Variants in PPP1R3F observed in about 807,000 individuals in gnomAD.
PPP1R3F encodes protein phosphatase 1, regulatory (inhibitor) subunit 3F.
A neutral mutation model predicts 24.2 loss-of-function variants in PPP1R3F; 29 were observed. The observed-to-expected ratio is 1.20, with a 90% CI of 0.89 to 1.63. The LOEUF is 1.63. PPP1R3F is among the 40% of genes most tolerant of loss of function. The pLI is 0.00. For missense variants in PPP1R3F, 823 were observed against 729.3 expected, an observed-to-expected ratio of 1.13 and a Z score of -1.48; for synonymous variants, 363 against 340.1, an observed-to-expected ratio of 1.07 and a Z score of -0.74.
At chrX:49,273,013 A>G (rs1385127016) in intron 1 of PPP1R3F, 6 of 106,591 alleles carry the variant, frequency 5.6e-5, no homozygotes, top group Admixed American at 3.0e-4. Context: ...TGTTCCCAGC[A>G]TGTCGTGCTT....
In PPP1R3F at chrX:49,285,904, C is replaced by A; in HGVS notation, c.1214C>A (p.Ala405Asp). ...GTCCCCAGAAGCAGTCCACCTGTGG[C>A]TTTTACAGAGGTCCTCCAGGCACCG... ...GDVPRSSPPV[A>D]FTEVLQAPAI... Residue 405 changes from alanine to aspartate, a missense_variant, in exon 4 of 4, where the codon GCT becomes GAT. Physicochemically the swap from Ala to Asp is moderately radical, Grantham distance 126. Coordinates refer to ENST00000055335, the MANE Select transcript of PPP1R3F (RefSeq NM_033215.5). 8.3e-7 allele frequency: 1 copy of A among 1,206,449 alleles called. No individual in the cohort carries two copies. The highest frequency in any genetic ancestry group is 1.1e-6 in the Non-Finnish European group (1 of 892,281).
At position 49,285,865 on chromosome X, in the gene PPP1R3F, CAGA is replaced by C. The variant is rs1557121316; in HGVS notation, c.1181_1183del (p.Glu394del). 1 of 1,161,224 alleles carries C rather than the reference CAGA, an allele frequency of 8.6e-7. No homozygotes were observed. The highest frequency in any genetic ancestry group is 1.2e-6 in the Non-Finnish European group (1 of 868,118). On this transcript the variant is annotated inframe_deletion, in exon 4 of 4. Coordinates refer to ENST00000055335, the MANE Select transcript of PPP1R3F (RefSeq NM_033215.5). Reference sequence around the variant, plus strand: ...GACGTTCCGATGACTGGCAACCCCGCAGAAGAAGGTGATGTCCCCAGAAGCAGT... The same window carrying C: ...GACGTTCCGATGACTGGCAACCCCGCAGAAGGTGATGTCCCCAGAAGCAGT...
At chrX:49,278,201 C>T (rs782713348) in intron 1 of PPP1R3F, among the ~76,000 whole-genome samples, 1 of 112,074 alleles carries the variant, frequency 8.9e-6, no homozygotes, top group Non-Finnish European at 1.9e-5. Flanking sequence ...TCTATGACTG[C>T]AGTGGCTTTT....
downstream of PPP1R3F, among the ~76,000 whole-genome samples, chrX:49,290,878 C>T (rs1416303283): frequency 4.5e-5 from 5 of 112,108 alleles, no homozygotes; most frequent in East Asian, 8.5e-4. Flanking sequence ...ACTGAGTACA[C>T]GCCCGTTGTC....
chrX:49,297,449 C>T (rs1557122934), intron 3 of PPP1R3F, among the ~76,000 whole-genome samples: 2 of 109,989 alleles, frequency 1.8e-5, no homozygotes, highest in Admixed American at 9.7e-5. Context: ...CTCCAGACCT[C>T]GTGATCCGCC....
At chrX:49,284,509 C>CTTTTTTTTTTTTTTTTTTTTTTTTTTTT (rs145170789) in intron 3 of PPP1R3F, among the ~76,000 whole-genome samples, 2 of 50,856 alleles carry the variant, frequency 3.9e-5, no homozygotes, top group African/African-American at 7.3e-5. Flanking sequence ...CTTTTTCTTT[C>CTTTTTTTTTTTTTTTTTTTTTTTTTTTT]TTTTTTTTTT....
At chrX:49,273,715 AT>A (rs1320698076) in intron 1 of PPP1R3F, 2 of 112,440 alleles carry the variant, frequency 1.8e-5, no homozygotes, top group Non-Finnish European at 3.8e-5. Flanking sequence ...CTCAGGGTAT[AT>A]CCCTTACCTG....
At chrX:49,276,866 A>G (rs782529499) in intron 1 of PPP1R3F, among the ~76,000 whole-genome samples, 16 of 112,215 alleles carry the variant, frequency 1.4e-4, no homozygotes, top group Non-Finnish European at 2.6e-4. Context: ...CAGAAAGCAG[A>G]TGGCTCAGGG....
chrX:49,277,111 T>C (rs1285414265), intron 1 of PPP1R3F, among the ~76,000 whole-genome samples: 1 of 112,880 alleles, frequency 8.9e-6, no homozygotes, highest in African/African-American at 3.2e-5. Flanking sequence ...TCTGAAAGTC[T>C]GCTTTGCTTT....
At chrX:49,296,617 C>T (rs1196103489) in intron 3 of PPP1R3F, among the ~76,000 whole-genome samples, 4 of 111,623 alleles carry the variant, frequency 3.6e-5, no homozygotes, top group Admixed American at 9.5e-5. Flanking sequence ...ATTAGGGTGT[C>T]GATTTTAGAT....
rs782815199 is a variant in PPP1R3F at position 49,270,340 on chromosome X, T to C, written c.471T>C (p.Pro157=). 1 of 1,137,229 alleles carries C rather than the reference T, an allele frequency of 8.8e-7. No individual in the cohort carries two copies. Among genetic ancestry groups the C allele is most frequent in the Non-Finnish European group, 1.2e-6 (1 of 864,422 alleles). 93.7% of individuals were successfully genotyped at this position (1,137,229 alleles called of 1,213,427 possible). ...AVPGGAGVWV[P]GGRPPVLRGL... is the part of the protein sequence containing the mutation. ...CCGGGGGTGCCGGGGTGTGGGTGCCTGGGGGCCGCCCGCCGGTGCTGCGCG... is the reference window on the plus strand; with the variant it reads ...CCGGGGGTGCCGGGGTGTGGGTGCCCGGGGGCCGCCCGCCGGTGCTGCGCG... Residue 157 remains proline, a synonymous_variant, in exon 1 of 4, where the codon CCT becomes CCC. Transcript: ENST00000055335.
downstream of PPP1R3F, among the ~76,000 whole-genome samples, chrX:49,292,354 CTT>C (rs1557122463): frequency 8.9e-6 from 1 of 112,856 alleles, no homozygotes; most frequent in African/African-American, 3.2e-5. Context: ...TTTTAATCCT[CTT>C]TATCTCACTT....
chrX:49,296,054 CT>C (rs1309503054), intron 3 of PPP1R3F, among the ~76,000 whole-genome samples: 10 of 111,828 alleles, frequency 8.9e-5, no homozygotes, highest in Non-Finnish European at 1.9e-4. Context: ...GAAGGAGTCC[CT>C]CTTTTTCTAT....
chrX:49,288,636 AGTGTAGACACACTC>A (rs781803190), downstream of PPP1R3F, among the ~76,000 whole-genome samples: 10 of 112,499 alleles, frequency 8.9e-5, no homozygotes, highest in Non-Finnish European at 1.1e-4. Flanking sequence ...TCTCGGAAAC[AGTGTAGACACACTC>A]GTGTAGACAC....
intron 1 of PPP1R3F, among the ~76,000 whole-genome samples, chrX:49,272,672 A>G (rs2066187954): frequency 8.9e-6 from 1 of 112,961 alleles, no homozygotes; most frequent in African/African-American, 3.2e-5. Flanking sequence ...AATGCAGCAA[A>G]CATGGGCAAG....
chrX:49,282,051 G>A lies in PPP1R3F; in HGVS notation c.1131G>A (p.Gln377=). The A allele has an allele frequency of 8.3e-7, 1 of 1,205,585 alleles. No individual in the cohort carries two copies. The highest frequency in any genetic ancestry group is 1.1e-6 in the Non-Finnish European group (1 of 890,062). ...VAPTPLRPWP[Q]MTLQVSDVPM... ...CCACCCCTCTCCGTCCATGGCCCCA[G>A]ATGACACTTCAGGTAAGTGGGTCCT... The change falls in exon 3 of 4, where the codon CAG becomes CAA. Residue 377 remains glutamine (Q), a synonymous_variant. Transcript: ENST00000055335.
chrX:49,291,291 T>TCC (rs2147978079), downstream of PPP1R3F, among the ~76,000 whole-genome samples: 1 of 61,262 alleles, frequency 1.6e-5, no homozygotes, highest in South Asian at 8.7e-4. Context: ...CCTACTTTTC[T>TCC]CTCTCTCTCT....
At chrX:49,283,824 G>A (rs2066263758) in intron 3 of PPP1R3F, among the ~76,000 whole-genome samples, 1 of 109,960 alleles carries the variant, frequency 9.1e-6, no homozygotes, top group African/African-American at 3.3e-5. Context: ...TTATCAAATT[G>A]TATTAAACGA....
downstream of PPP1R3F, among the ~76,000 whole-genome samples, chrX:49,290,714 G>C (rs1158814361): frequency 9.0e-6 from 1 of 111,601 alleles, no homozygotes; most frequent in Non-Finnish European, 1.9e-5. Context: ...GGACTAAATT[G>C]CCCAGGGTCA....
Sources: allele counts gnomAD v4.1 joint callset (sites outside exome capture counted in the v4.1 genomes callset), GRCh38; gene constraint gnomAD v4.1.1; transcripts MANE v1.5; gene names NCBI Gene and HGNC (gene_info 2026-07-23, HGNC 2026-07-21).